Variants in ZNF625 observed in about 807,000 individuals in gnomAD.
The protein encoded by ZNF625 is zinc finger protein 625.
ZNF625 carries 8 observed loss-of-function variants against 11.1 expected under a neutral mutation model. That is an observed-to-expected ratio of 0.72 (90% confidence interval 0.42 to 1.30). The LOEUF is 1.30. Ranked by LOEUF, ZNF625 falls within the 50% of genes most tolerant of loss-of-function variation. The pLI is 0.01. For missense variants in ZNF625, 349 were observed against 447.6 expected (o/e 0.78, Z 1.99); for synonymous variants, 145 against 153.4 (o/e 0.95, Z 0.41).
chr19:12,156,686 G>A lies in ZNF625; in HGVS notation c.-128C>T, dbSNP rs977520666. 1.4e-5 allele frequency: 13 copies of A among 908,928 alleles called. No individual in the cohort carries two copies. Among genetic ancestry groups the A allele is most frequent in the Non-Finnish European group, 1.7e-5 (12 of 689,372 alleles). The allele number at this position is 908,928 out of a possible 1,614,324, so 56.3% of individuals were successfully genotyped here. On this transcript the variant is annotated 5_prime_UTR_variant, in exon 1 of 4. Coordinates refer to ENST00000439556, the MANE Select transcript of ZNF625 (RefSeq NM_145233.4). ...GTCCCTCTCGGGGCCGGAAAACCGA[G>A]ATCCCGACCTCCCTTTGGTGCAAGA...
intron 1 of ZNF625, 21 bp downstream of exon 1, chr19:12,156,535 C>G (rs993281122): frequency 1.4e-6 from 2 of 1,425,192 alleles, no homozygotes; most frequent in African/African-American, 2.9e-5. Flanking sequence ...CGTCTCGGGA[C>G]CCCCGGCCCC....
Position 12,145,031 on chromosome 19 carries a change from T to G in ZNF625, c.*266A>C, listed in dbSNP as rs1054062275. ...ACCCGGCCAAACCTCGTATTTTTTTTATGACAGAACTGTCTTAAGGTCTTA... is the reference window on the plus strand; with the variant it reads ...ACCCGGCCAAACCTCGTATTTTTTTGATGACAGAACTGTCTTAAGGTCTTA... On this transcript the variant is annotated 3_prime_UTR_variant, in exon 4 of 4. Transcript: ENST00000439556. 1.3e-5 allele frequency: 5 copies of G among 377,536 alleles called. No homozygotes were observed. The East Asian group carries it at 2.3e-4, about 17-fold the overall frequency. The allele number at this position is 377,536 out of a possible 1,614,324, so 23.4% of individuals were successfully genotyped here.
chr19:12,156,506 T>C (rs747310198), intron 1 of ZNF625, 50 bp downstream of exon 1: 5 of 1,399,500 alleles, frequency 3.6e-6, no homozygotes, highest in South Asian at 1.6e-5. Flanking sequence ...TTCGAGCCGG[T>C]TCCTCCCGGC....
intron 1 of ZNF625, among the ~76,000 whole-genome samples, chr19:12,154,421 C>A (rs73921406): frequency 0.012 from 1,870 of 152,028 alleles, 27 homozygotes; most frequent in Middle Eastern, 0.041. Context: ...GGCTGGTCTC[C>A]AACTCCTGGT....
intron 1 of ZNF625, among the ~76,000 whole-genome samples, chr19:12,155,513 C>T (rs1285417455): frequency 6.6e-6 from 1 of 152,174 alleles, no homozygotes; most frequent in African/African-American, 2.4e-5. Flanking sequence ...CCCGCTTCTA[C>T]GTGTCCTGCC....
In ZNF625 at chr19:12,145,465, G is replaced by T. The variant is rs1487498684; in HGVS notation, c.951C>A (p.His317Gln). The change falls in exon 4 of 4, where the codon CAC (histidine) becomes CAA (glutamine). Residue 317 changes from histidine to glutamine, a missense_variant. His to Gln is a conservative substitution (Grantham distance 24). Coordinates refer to ENST00000439556, the MANE Select transcript of ZNF625 (RefSeq NM_145233.4). ...TGTGAGTCCTTCCATGTGTTCGAAGGTGCGAGGCAGATCTGAAGGCTTTCC... is the reference window on the plus strand; with the variant it reads ...TGTGAGTCCTTCCATGTGTTCGAAGTTGCGAGGCAGATCTGAAGGCTTTCC... ...QCGKAFRSAS[H>Q]LRTHGRTHTG... 1 of 1,613,846 alleles carries T rather than the reference G, an allele frequency of 6.2e-7. No individual in the cohort carries two copies. Among genetic ancestry groups the T allele is most frequent in the African/African-American group, 1.3e-5 (1 of 74,866 alleles).
chr19:12,145,606 AGT>A lies in ZNF625; in HGVS notation c.808_809del (p.Thr270TrpfsTer6). 5 of 1,614,214 alleles carry A rather than the reference AGT, an allele frequency of 3.1e-6. No individual in the cohort carries two copies. The highest frequency in any genetic ancestry group is 4.2e-6 in the Non-Finnish European group (5 of 1,180,048). On this transcript the variant is annotated frameshift_variant, in exon 4 of 4. Transcript: ENST00000439556. LOFTEE classifies it low-confidence loss of function (END_TRUNC). ...TCLHAHKITHTGEKPYECKQC... is the reference protein window; with the variant it reads ...TCLHAHKITHXGEKPYECKQC... The stretch of plus-strand genomic sequence containing the variant: ...GTTTACATTCATACGGCTTCTCCCC[AGT>A]GTGAGTTATTTTATGTGCATGGAGG...
In ZNF625 at chr19:12,156,676, G is replaced by A; in HGVS notation, c.-118C>T. 3 of 1,035,046 alleles carry A rather than the reference G, an allele frequency of 2.9e-6. No individual in the cohort carries two copies. The highest frequency in any genetic ancestry group is 2.5e-6 in the Non-Finnish European group (2 of 804,702). 64.1% of individuals were successfully genotyped at this position (1,035,046 alleles called of 1,614,324 possible). The stretch of plus-strand genomic sequence containing the variant: ...GAGGCACCTGGTCCCTCTCGGGGCC[G>A]GAAAACCGAGATCCCGACCTCCCTT... On this transcript the variant is annotated 5_prime_UTR_variant, in exon 1 of 4. Transcript: ENST00000439556.
At chr19:12,155,658 G>A (rs1173639793) in intron 1 of ZNF625, among the ~76,000 whole-genome samples, 1 of 152,112 alleles carries the variant, frequency 6.6e-6, no homozygotes, top group Non-Finnish European at 1.5e-5. Flanking sequence ...CCTTGGTCAC[G>A]TTCTCTCATA....
At chr19:12,155,651 T>C (rs2145616594) in intron 1 of ZNF625, among the ~76,000 whole-genome samples, 1 of 152,320 alleles carries the variant, frequency 6.6e-6, no homozygotes, top group South Asian at 2.1e-4. Flanking sequence ...TTGTTTCCCT[T>C]GGTCACGTTC....
Position 12,146,145 on chromosome 19 carries a change from T to C in ZNF625, c.271A>G (p.Met91Val). ...ACTCGGGGAGTTTTCTTCTTCAGCA[T>C]GTCATCTGGAACCTGGGTCAAAATT... ...GEILTQVPDD[M>V]LKKKTPRVKS... The change falls in exon 4 of 4, where the codon ATG (methionine) becomes GTG (valine). Residue 91 changes from methionine to valine, a missense_variant. Coordinates refer to ENST00000439556, the MANE Select transcript of ZNF625 (RefSeq NM_145233.4). 6.2e-7 allele frequency: 1 copy of C among 1,614,248 alleles called. No individual in the cohort carries two copies. The highest frequency in any genetic ancestry group is 8.5e-7 in the Non-Finnish European group (1 of 1,180,040).
intron 1 of ZNF625, among the ~76,000 whole-genome samples, chr19:12,148,442 G>C (rs1057167885): frequency 6.6e-6 from 1 of 152,126 alleles, no homozygotes; most frequent in Non-Finnish European, 1.5e-5. Flanking sequence ...AAAAACTCCA[G>C]GGTGTCCAGT....
At position 12,146,058 on chromosome 19, in the gene ZNF625, T is replaced by C. The variant is rs778647581; in HGVS notation, c.358A>G (p.Thr120Ala). Reference sequence around the variant, plus strand: ...TGATACTCATATGGCTTGTGTCCAGTGTCAGCTCTGTGGTGCCTATTAAGG... The same window carrying C: ...TGATACTCATATGGCTTGTGTCCAGCGTCAGCTCTGTGGTGCCTATTAAGG... ...ASLNRHHRAD[T>A]GHKPYEYQEY... Residue 120 changes from threonine (T) to alanine (A), a missense_variant, in exon 4 of 4, where the codon ACT (threonine) becomes GCT (alanine). Transcript: ENST00000439556. 4 of 1,614,200 alleles carry C rather than the reference T, an allele frequency of 2.5e-6. No homozygotes were observed. Among genetic ancestry groups the C allele is most frequent in the Middle Eastern group, 1.6e-4 (1 of 6,062 alleles).
chr19:12,150,330 C>G lies in ZNF625; in HGVS notation c.4-2528G>C, dbSNP rs1255146868. Among the ~76,000 whole-genome samples the G allele has an allele frequency of 2.0e-5, 3 of 152,124 alleles. No homozygotes were observed. In the South Asian group the frequency reaches 6.2e-4, roughly 32 times the overall value. ...TAGCTGTGGGGGTCTCAAGGACTCC[C>G]TCTTTGACAAGGCTTTGACCTTGTC... On this transcript the variant is annotated intron_variant, in intron 1 of 3. Transcript: ENST00000439556.
At chr19:12,155,125 C>A (rs897205450) in intron 1 of ZNF625, among the ~76,000 whole-genome samples, 4 of 151,214 alleles carry the variant, frequency 2.6e-5, no homozygotes, top group Non-Finnish European at 5.9e-5. Context: ...ACTTGGGAGG[C>A]TGAGGCAGGA....
intron 1 of ZNF625, among the ~76,000 whole-genome samples, chr19:12,150,013 A>G (rs1275683187): frequency 6.6e-6 from 1 of 152,190 alleles, no homozygotes; most frequent in East Asian, 1.9e-4. Flanking sequence ...TGCTGGGATT[A>G]CAGGTGTGAG....
intron 1 of ZNF625, among the ~76,000 whole-genome samples, chr19:12,156,319 G>A (rs1193397503): frequency 6.6e-6 from 1 of 152,196 alleles, no homozygotes; most frequent in African/African-American, 2.4e-5. Flanking sequence ...CTCCGGGGCC[G>A]GGGCCAGGGC....
intron 3 of ZNF625, 79 bp downstream of exon 3, chr19:12,147,316 T>C: frequency 1.6e-6 from 2 of 1,274,864 alleles, no homozygotes; most frequent in Non-Finnish European, 2.1e-6. Flanking sequence ...GCTTATTTCT[T>C]GTTTGCTTCT....
At chr19:12,153,683 C>CAAAA (rs71166658) in intron 1 of ZNF625, among the ~76,000 whole-genome samples, 1 of 121,884 alleles carries the variant, frequency 8.2e-6, no homozygotes. Flanking sequence ...GTCTCTGTGT[C>CAAAA]AAAAAAAAAA....
Sources: gnomAD v4.1 joint callset for allele counts (sites outside exome capture counted in the v4.1 genomes callset) on GRCh38, gnomAD v4.1.1 for gene constraint, MANE v1.5 for transcripts, NCBI Gene and HGNC (gene_info 2026-07-23, HGNC 2026-07-21) for gene names.